The following ZNF37A variants were observed in gnomAD, a reference collection of about 807,000 sequenced individuals.
The protein encoded by ZNF37A is zinc finger protein 37a (KOX 21).
ZNF37A carries 10 observed loss-of-function variants against 12.3 expected under a neutral mutation model. That is an observed-to-expected ratio of 0.82 (90% CI 0.50 to 1.38). ZNF37A has a LOEUF of 1.38. Ranked by LOEUF, ZNF37A falls within the 40% of genes most tolerant of loss-of-function variation. The pLI, the probability that ZNF37A is intolerant of heterozygous loss-of-function variation, is 0.00. For missense variants in ZNF37A, 580 were observed against 651.2 expected, an observed-to-expected ratio of 0.89 and a Z score of 1.19; for synonymous variants, 207 against 223.0, an observed-to-expected ratio of 0.93 and a Z score of 0.64.
At chr10:38,114,254 A>T (rs2136001843) in intron 5 of ZNF37A, among the ~76,000 whole-genome samples, 1 of 152,304 alleles carries the variant, frequency 6.6e-6, no homozygotes, top group East Asian at 1.9e-4. Flanking sequence ...ATATTTTTTC[A>T]GGTTTTTAAC....
At chr10:38,146,797 G>A (rs2070261046) in exon 8 of ZNF37A, 1 of 398,354 alleles carries the variant, frequency 2.5e-6, no homozygotes, top group African/African-American at 2.1e-5. Flanking sequence ...CTCGGTCGTG[G>A]AGACTCCAAC....
chr10:38,100,413 C>T (rs770864643), intron 5 of ZNF37A, among the ~76,000 whole-genome samples: 9 of 152,132 alleles, frequency 5.9e-5, no homozygotes, highest in Admixed American at 1.3e-4. Context: ...CTATTTCACC[C>T]CTACAGCCTA....
downstream of ZNF37A, among the ~76,000 whole-genome samples, chr10:38,130,015 T>A (rs2069998685): frequency 6.6e-6 from 1 of 152,216 alleles, no homozygotes; most frequent in African/African-American, 2.4e-5. Flanking sequence ...AAAAACTTGA[T>A]CTACTCAACC....
rs1295032215 is a variant in ZNF37A at position 38,094,947 on chromosome 10, C to CTGA, written c.-472_-470dup. ...TCCTCGCAGGTCGCAGCTTCATTGCCTGATGTCTTCGGGAAGTATTTTGAA... is the reference window on the plus strand; with the variant it reads ...TCCTCGCAGGTCGCAGCTTCATTGCCTGATGATGTCTTCGGGAAGTATTTTGAA... On this transcript the variant is annotated 5_prime_UTR_variant, in exon 2 of 8. It adds an upstream start codon to the 5' untranslated region. Transcript: ENST00000685332. The CTGA allele has an allele frequency of 1.3e-5, 2 of 152,304 alleles. No individual in the cohort carries two copies. Among genetic ancestry groups the CTGA allele is most frequent in the Non-Finnish European group, 2.9e-5 (2 of 68,086 alleles). The allele number at this position is 152,304 out of a possible 1,614,324, so 9.4% of individuals were successfully genotyped here.
downstream of ZNF37A, among the ~76,000 whole-genome samples, chr10:38,127,778 GAAGT>G (rs1474867959): frequency 6.6e-6 from 1 of 152,206 alleles, no homozygotes; most frequent in African/African-American, 2.4e-5. Context: ...AATTTGAGCT[GAAGT>G]AAGTATTTGC....
chr10:38,109,663 C>T (rs1490940429), intron 5 of ZNF37A, among the ~76,000 whole-genome samples: 22 of 152,050 alleles, frequency 1.4e-4, no homozygotes, highest in African/African-American at 2.4e-4. Context: ...ACAAAATCAA[C>T]GTGCAAAAAT....
At chr10:38,128,490 C>T (rs1294193233), downstream of ZNF37A, among the ~76,000 whole-genome samples, 1 of 152,138 alleles carries the variant, frequency 6.6e-6, no homozygotes, top group East Asian at 1.9e-4. Flanking sequence ...ATTATACTTT[C>T]TGTCACAAAT....
At chr10:38,113,560 C>G (rs973833145) in intron 5 of ZNF37A, among the ~76,000 whole-genome samples, 1 of 152,134 alleles carries the variant, frequency 6.6e-6, no homozygotes, top group African/African-American at 2.4e-5. Context: ...TATTGTCACT[C>G]TGCACTCTCC....
At chr10:38,125,823 A>G (rs546021036), downstream of ZNF37A, among the ~76,000 whole-genome samples, 1 of 152,322 alleles carries the variant, frequency 6.6e-6, no homozygotes, top group South Asian at 2.1e-4. Flanking sequence ...TATAAAGGGA[A>G]GAGGTTTAAT....
At chr10:38,131,451 T>C (rs561026845) in intron 7 of ZNF37A, among the ~76,000 whole-genome samples, 3 of 152,296 alleles carry the variant, frequency 2.0e-5, no homozygotes, top group African/African-American at 7.2e-5. Flanking sequence ...AGACTATCAT[T>C]TTTCTATTGA....
rs1285599872 is a variant in ZNF37A, at chr10:38,119,196, T to C, written c.*359T>C. 3 of 1,022,182 alleles carry C rather than the reference T, an allele frequency of 2.9e-6. No individual in the cohort carries two copies. Among genetic ancestry groups the C allele is most frequent in the East Asian group, 1.0e-4 (1 of 9,778 alleles). The allele number at this position is 1,022,182 out of a possible 1,614,324, so 63.3% of individuals were successfully genotyped here. Reference sequence around the variant, plus strand: ...TACTACTACAGTTTCACAGAATACCTGAGAAGACACACTTGGAGAAACCTT... The same window carrying C: ...TACTACTACAGTTTCACAGAATACCCGAGAAGACACACTTGGAGAAACCTT... On this transcript the variant is annotated 3_prime_UTR_variant, in exon 8 of 8. Coordinates refer to ENST00000685332, the MANE Select transcript of ZNF37A (RefSeq NM_001324250.3).
At chr10:38,117,057 C>T (rs1388220224) in intron 7 of ZNF37A, 13 of 483,494 alleles carry the variant, frequency 2.7e-5, no homozygotes, top group East Asian at 1.5e-4. Flanking sequence ...TGCAGTGAGC[C>T]GAGATCACGT....
chr10:38,111,913 T>C (rs1226538935), intron 5 of ZNF37A, among the ~76,000 whole-genome samples: 5 of 127,336 alleles, frequency 3.9e-5, no homozygotes, highest in South Asian at 2.3e-4. Flanking sequence ...CTGCTGATGA[T>C]CTTTTTTTTT....
chr10:38,098,276 A>G (rs1246017394), intron 5 of ZNF37A, among the ~76,000 whole-genome samples: 5 of 152,224 alleles, frequency 3.3e-5, no homozygotes, highest in Non-Finnish European at 5.9e-5. Flanking sequence ...TCCTATGAGC[A>G]TTCATGTACA....
At chr10:38,148,498 C>T (rs1192450355) in exon 8 of ZNF37A, 2 of 152,202 alleles carry the variant, frequency 1.3e-5, no homozygotes, top group African/African-American at 4.8e-5. Context: ...AAGGAAATAT[C>T]TGCAGCATCT....
rs1564369478 is a variant in ZNF37A at position 38,117,453 on chromosome 10, A to C, written c.302A>C (p.Lys101Thr). The C allele has an allele frequency of 6.2e-7, 1 of 1,604,244 alleles. No individual in the cohort carries two copies. Among genetic ancestry groups the C allele is most frequent in the Non-Finnish European group, 8.5e-7 (1 of 1,177,536 alleles). ...MKFNEFNKGG[K>T]CFCDEKHEII... The stretch of plus-strand genomic sequence containing the variant: ...TTCAATGAGTTTAACAAAGGTGGAA[A>C]ATGTTTCTGTGATGAAAAGCATGAA... Residue 101 changes from lysine to threonine, a missense_variant, in exon 8 of 8, where the codon AAA becomes ACA. By Grantham distance (78) the Lys-to-Thr change is moderately conservative. Transcript: ENST00000685332.
intron 7 of ZNF37A, chr10:38,138,309 CAG>C (rs760385905): frequency 3.9e-5 from 6 of 152,262 alleles, no homozygotes; most frequent in Admixed American, 6.5e-5. Context: ...CAAATTTTTG[CAG>C]AGTGTCATCA....
At chr10:38,097,989 C>G (rs922385368) in intron 5 of ZNF37A, among the ~76,000 whole-genome samples, 15 of 152,298 alleles carry the variant, frequency 9.8e-5, no homozygotes, top group Non-Finnish European at 2.2e-4. Flanking sequence ...CCCCTCTGCT[C>G]CAGCCCCTAG....
intron 7 of ZNF37A, among the ~76,000 whole-genome samples, chr10:38,135,245 C>T (rs1301935864): frequency 1.3e-5 from 2 of 152,150 alleles, no homozygotes; most frequent in Admixed American, 6.5e-5. Flanking sequence ...ATTAACTAGG[C>T]GTGGTGGTGC....
Sources: allele counts gnomAD v4.1 joint callset (sites outside exome capture counted in the v4.1 genomes callset), GRCh38; gene constraint gnomAD v4.1.1; transcripts MANE v1.5; gene names NCBI Gene and HGNC (gene_info 2026-07-23, HGNC 2026-07-21).